XPR1: variants seen among roughly 807,000 people sequenced by gnomAD.
XPR1 encodes the protein xenotropic and polytropic retrovirus receptor 1, also known as solute carrier family 53 member 1.
Under a neutral mutation model 87.5 loss-of-function variants are expected in XPR1, and 28 were observed. The ratio of observed to expected loss-of-function variants is 0.32; its 90% confidence interval spans 0.24 to 0.44. The LOEUF is 0.44. Among genes scored for constraint, XPR1 ranks in the 20% least tolerant of loss-of-function variants. XPR1 has a pLI of 1.00. For missense variants in XPR1, 559 were observed against 862.3 expected (o/e 0.65, Z 4.41); for synonymous variants, 300 against 306.1 (o/e 0.98, Z 0.21).
At chr1:180,671,782 G>T (rs536267414) in intron 1 of XPR1, among the ~76,000 whole-genome samples, 1 of 152,048 alleles carries the variant, frequency 6.6e-6, no homozygotes, top group Non-Finnish European at 1.5e-5. Context: ...CAAAGTGCTG[G>T]GATTACAGGT....
rs1407061192 is a variant in XPR1 at position 180,779,612 on chromosome 1, G to A, written c.122-8141G>A. ...TCTAGTAGAAATACAAAAATTGGGT[G>A]TGGTGGTGGGCACCTATAATCCCAG... is the stretch of plus-strand genomic sequence containing the variant. On this transcript the variant is annotated intron_variant, in intron 2 of 14. Transcript: ENST00000367590. Among the ~76,000 whole-genome samples, 5 of 151,932 alleles carry A rather than the reference G, an allele frequency of 3.3e-5. No homozygotes were observed. The East Asian group carries it at 5.8e-4, about 18-fold the overall frequency.
chr1:180,670,168 A>AT (rs1379069812), intron 1 of XPR1, among the ~76,000 whole-genome samples: 4 of 152,200 alleles, frequency 2.6e-5, no homozygotes, highest in Admixed American at 6.5e-5. Context: ...TGAATCATGT[A>AT]TTTTTTATCT....
At chr1:180,720,003 T>C (rs904476082) in intron 2 of XPR1, among the ~76,000 whole-genome samples, 6 of 152,188 alleles carry the variant, frequency 3.9e-5, no homozygotes, top group Non-Finnish European at 8.8e-5. Context: ...ATTGATGTGT[T>C]TTAGCATCTT....
At chr1:180,692,404 G>T (rs1657023236) in intron 2 of XPR1, among the ~76,000 whole-genome samples, 1 of 152,016 alleles carries the variant, frequency 6.6e-6, no homozygotes, top group Admixed American at 6.6e-5. Flanking sequence ...CAAAATAGTT[G>T]CCATCTCTTT....
intron 2 of XPR1, among the ~76,000 whole-genome samples, chr1:180,744,926 C>T (rs1006304946): frequency 3.3e-5 from 5 of 152,004 alleles, no homozygotes; most frequent in African/African-American, 9.7e-5. Flanking sequence ...GCAGGGATTA[C>T]AGGTGTGAGC....
intron 7 of XPR1, among the ~76,000 whole-genome samples, chr1:180,820,754 T>C (rs6698724): frequency 0.043 from 6,550 of 152,288 alleles, 504 homozygotes; most frequent in African/African-American, 0.15. Context: ...CTTCATTATA[T>C]CCATACAAAT....
intron 1 of XPR1, among the ~76,000 whole-genome samples, chr1:180,658,356 A>T (rs59071173): frequency 6.6e-6 from 1 of 152,142 alleles, no homozygotes; most frequent in African/African-American, 2.4e-5. Context: ...GGGCATCCTC[A>T]TCATGTTTCA....
chr1:180,824,179 A>G lies in XPR1; in HGVS notation c.764-574A>G, dbSNP rs188762749. 5.5e-4 allele frequency among the ~76,000 whole-genome samples: 84 copies of G among 152,342 alleles called. 1 individual carries two copies. Among genetic ancestry groups the G allele is most frequent in the Admixed American group, 1.2e-3 (18 of 15,290 alleles). On this transcript the variant is annotated intron_variant, in intron 7 of 14. Coordinates refer to ENST00000367590, the MANE Select transcript of XPR1 (RefSeq NM_004736.4). ...TGTAATCTAAAAAACTAATAGAACA[A>G]TGGGATGACATGCTGAAAGTCAAGT...
intron 3 of XPR1, among the ~76,000 whole-genome samples, chr1:180,796,332 T>C (rs116777632): frequency 0.014 from 2,070 of 152,256 alleles, 53 homozygotes; most frequent in African/African-American, 0.048. Context: ...ACCCCTTTGA[T>C]AGATATGAAA....
At chr1:180,837,896 T>C (rs1463253496) in intron 11 of XPR1, among the ~76,000 whole-genome samples, 2 of 152,178 alleles carry the variant, frequency 1.3e-5, no homozygotes, top group African/African-American at 2.4e-5. Context: ...ATTTACTAAG[T>C]TATAAAGAAC....
intron 2 of XPR1, among the ~76,000 whole-genome samples, chr1:180,768,646 G>A (rs1380615036): frequency 6.6e-6 from 1 of 152,102 alleles, no homozygotes; most frequent in Non-Finnish European, 1.5e-5. Context: ...GAGCACATAA[G>A]CACCTGAAGA....
intron 2 of XPR1, among the ~76,000 whole-genome samples, chr1:180,706,920 AC>A (rs1657580157): frequency 6.6e-6 from 1 of 152,280 alleles, no homozygotes; most frequent in African/African-American, 2.4e-5. Context: ...GGCCAGCCCT[AC>A]AGAAGCATTC....
At position 180,744,654 on chromosome 1, in the gene XPR1, C is replaced by CTCTTTTTTTTT. The variant is rs1553243749; in HGVS notation, c.122-43098_122-43097insCTTTTTTTTTT. Among the ~76,000 whole-genome samples the CTCTTTTTTTTT allele has an allele frequency of 1.8e-4, 18 of 102,404 alleles. No homozygotes were observed. In the East Asian group the frequency reaches 5.2e-3, roughly 30 times the overall value. The allele number at this position is 102,404 out of a possible 152,430, so 67.2% of individuals were successfully genotyped here. A position where few individuals can be genotyped will look rare whatever the true frequency, so the allele number is the denominator to read the frequency against. On this transcript the variant is annotated intron_variant, in intron 2 of 14. Coordinates refer to ENST00000367590, the MANE Select transcript of XPR1 (RefSeq NM_004736.4). Reference sequence around the variant, plus strand: ...GTTCAGGTTTAGGCACAATTTCTTTCTTTTTTTTTTTTTTGAGACAGAATC... The same window carrying CTCTTTTTTTTT: ...GTTCAGGTTTAGGCACAATTTCTTTCTCTTTTTTTTTTTTTTTTTTTTTTTGAGACAGAATC...
intron 11 of XPR1, among the ~76,000 whole-genome samples, chr1:180,862,726 CTTATT>C (rs1389193063): frequency 6.6e-6 from 1 of 152,048 alleles, no homozygotes. Context: ...TGAACACTTG[CTTATT>C]TTAACAGAAA....
intron 12 of XPR1, 60 bp from the exon 13 acceptor site, chr1:180,873,743 G>T: frequency 1.3e-6 from 2 of 1,574,428 alleles, no homozygotes; most frequent in Non-Finnish European, 1.7e-6. Flanking sequence ...ATGCTCATTG[G>T]TATGCCTATT....
intron 2 of XPR1, among the ~76,000 whole-genome samples, chr1:180,692,129 A>G (rs993325665): frequency 3.9e-5 from 6 of 152,060 alleles, no homozygotes; most frequent in Non-Finnish European, 8.8e-5. Context: ...AATTTGCTAC[A>G]TTTTCAGCTG....
At chr1:180,833,009 ATTTG>A (rs577249122) in intron 9 of XPR1, among the ~76,000 whole-genome samples, 380 of 152,252 alleles carry the variant, frequency 2.5e-3, no homozygotes, top group Non-Finnish European at 4.3e-3. Context: ...GTGTTTTCCC[ATTTG>A]TTTGTATCCT....
At chr1:180,792,709 T>C (rs1026878956) in intron 3 of XPR1, among the ~76,000 whole-genome samples, 2 of 152,184 alleles carry the variant, frequency 1.3e-5, no homozygotes, top group South Asian at 4.1e-4. Context: ...CCTAGAAGTC[T>C]CTTAGTTCTC....
intron 1 of XPR1, among the ~76,000 whole-genome samples, chr1:180,646,729 CTG>C (rs1194598115): frequency 6.6e-6 from 1 of 152,124 alleles, no homozygotes; most frequent in Non-Finnish European, 1.5e-5. Context: ...CTTACCGAAA[CTG>C]TGACCGAGAC....
Sources: gnomAD v4.1 joint callset for allele counts (sites outside exome capture counted in the v4.1 genomes callset) on GRCh38, gnomAD v4.1.1 for gene constraint, MANE v1.5 for transcripts, NCBI Gene and HGNC (gene_info 2026-07-23, HGNC 2026-07-21) for gene names.